Variants in CHODL observed in about 807,000 individuals in gnomAD.
CHODL encodes the protein chondrolectin.
Under a neutral mutation model 34.5 loss-of-function variants are expected in CHODL, and 29 were observed. The ratio of observed to expected loss-of-function variants is 0.84; its 90% confidence interval spans 0.63 to 1.15. The LOEUF is 1.15. CHODL is among the 50% of genes most tolerant of loss of function. The probability of loss-of-function intolerance (pLI) is 0.00; values close to 1 mark genes in which losing one functional copy is unlikely to be tolerated. For synonymous variants in CHODL, 125 were observed against 116.1 expected (o/e 1.08, Z -0.49); for missense variants, 332 against 332.5 (o/e 1.00, Z 0.01).
At chr21:18,175,237 A>G (rs956974458) in intron 2 of CHODL, among the ~76,000 whole-genome samples, 1 of 152,208 alleles carries the variant, frequency 6.6e-6, no homozygotes, top group Admixed American at 6.5e-5. Context: ...GGTATCTTAC[A>G]TACCCATCCA....
chr21:18,195,176 T>G (rs973251680), intron 2 of CHODL, among the ~76,000 whole-genome samples: 6 of 152,054 alleles, frequency 3.9e-5, no homozygotes, highest in Admixed American at 6.6e-5. Flanking sequence ...TGCCTCAGCC[T>G]CCTGAGTAGC....
intron 2 of CHODL, among the ~76,000 whole-genome samples, chr21:18,135,228 T>C (rs1446782385): frequency 6.6e-6 from 1 of 152,230 alleles, no homozygotes; most frequent in East Asian, 1.9e-4. Context: ...TTTCATTTAA[T>C]CAGTTTACAG....
chr21:18,037,754 G>A (rs2064328061), intron 2 of CHODL, among the ~76,000 whole-genome samples: 1 of 151,684 alleles, frequency 6.6e-6, no homozygotes, highest in African/African-American at 2.4e-5. Flanking sequence ...AATGTTTGAT[G>A]GTTTTAGGGT....
In CHODL at chr21:18,253,847, T is replaced by TTGTTTTTA. The variant is rs575253785; in HGVS notation, c.80-2662_80-2661insTGTTTTTA. On this transcript the variant is annotated intron_variant, in intron 1 of 5. Transcript: ENST00000299295. ...CTGTTAATTTGTTCAGATTTTTTAGTGTGTTGCTGCTGGGTCCAGATCACG... is the reference window on the plus strand; with the variant it reads ...CTGTTAATTTGTTCAGATTTTTTAGTTGTTTTTAGTGTTGCTGCTGGGTCCAGATCACG... Among the ~76,000 whole-genome samples, 4 of 152,318 alleles carry TTGTTTTTA rather than the reference T, an allele frequency of 2.6e-5. No homozygotes were observed. The South Asian group carries it at 8.3e-4, about 32-fold the overall frequency.
At chr21:17,985,244 C>T (rs1178751366) in intron 1 of CHODL, among the ~76,000 whole-genome samples, 5 of 152,072 alleles carry the variant, frequency 3.3e-5, no homozygotes, top group African/African-American at 9.7e-5. Context: ...GTTCTCGTCC[C>T]ATAAACTTAG....
At position 18,197,292 on chromosome 21, in the gene CHODL, T is replaced by A. The variant is rs551354861; in HGVS notation, c.-44-59217T>A. Reference sequence around the variant, plus strand: ...TAATGTATGAAACCATTATTCTCAATTTAACATAGTGCCAATTAGCTTAAA... The same window carrying A: ...TAATGTATGAAACCATTATTCTCAAATTAACATAGTGCCAATTAGCTTAAA... On this transcript the variant is annotated intron_variant, in intron 2 of 6. Coordinates refer to the CHODL transcript ENST00000400127. Among the ~76,000 whole-genome samples the A allele has an allele frequency of 5.9e-5, 9 of 152,292 alleles. No homozygotes were observed. The South Asian group carries it at 1.9e-3, about 32-fold the overall frequency.
intron 1 of CHODL, among the ~76,000 whole-genome samples, chr21:17,919,477 G>C (rs989898272): frequency 6.6e-6 from 1 of 152,176 alleles, no homozygotes; most frequent in Non-Finnish European, 1.5e-5. Context: ...GTTACTTTTA[G>C]TCATGGCTGG....
chr21:17,947,840 C>T (rs972843733), intron 1 of CHODL, among the ~76,000 whole-genome samples: 4 of 152,138 alleles, frequency 2.6e-5, no homozygotes, highest in South Asian at 2.1e-4. Context: ...ACATAAAAAC[C>T]GTGCCTCCAC....
chr21:18,098,540 G>A (rs905219746), intron 2 of CHODL, among the ~76,000 whole-genome samples: 1 of 152,092 alleles, frequency 6.6e-6, no homozygotes, highest in Middle Eastern at 3.4e-3. Flanking sequence ...ATCTTACTCG[G>A]CTAAAATAGC....
chr21:18,189,784 G>T lies in CHODL; in HGVS notation c.-44-66725G>T, dbSNP rs544029017. On this transcript the variant is annotated intron_variant, in intron 2 of 6. Transcript: ENST00000400127. ...TGAATAGCTGGGATTACAGGTGCAT[G>T]CCACCATGCCCGGCTAATTTTTGTA... Among the ~76,000 whole-genome samples, 537 of 152,000 alleles carry T rather than the reference G, an allele frequency of 3.5e-3. 6 individuals carry two copies. Among genetic ancestry groups the T allele is most frequent in the African/African-American group, 0.012 (508 of 41,474 alleles).
At chr21:18,262,723 C>A in intron 4 of CHODL, 68 bp from the exon 5 acceptor site, 3 of 875,312 alleles carry the variant, frequency 3.4e-6, no homozygotes, top group Non-Finnish European at 3.7e-6. Context: ...TTGAAACATT[C>A]TTACATATTT....
chr21:18,178,057 ATCAGTCTC>A (rs1249515663), intron 2 of CHODL, among the ~76,000 whole-genome samples: 1 of 152,176 alleles, frequency 6.6e-6, no homozygotes, highest in East Asian at 1.9e-4. Flanking sequence ...AGTATTAGGC[ATCAGTCTC>A]ATGGTTGCTA....
chr21:18,012,360 A>ATC (rs2064027283), intron 1 of CHODL, among the ~76,000 whole-genome samples: 1 of 152,176 alleles, frequency 6.6e-6, no homozygotes, highest in Non-Finnish European at 1.5e-5. Flanking sequence ...TCCTTAGATT[A>ATC]TTGCAAGAGC....
chr21:17,986,472 T>A (rs1283311347), intron 1 of CHODL, among the ~76,000 whole-genome samples: 2 of 152,304 alleles, frequency 1.3e-5, no homozygotes, highest in Non-Finnish European at 2.9e-5. Flanking sequence ...GCTTCATCCA[T>A]GTCCCTGCAG....
intron 2 of CHODL, among the ~76,000 whole-genome samples, chr21:18,183,422 CTTGTACATGAAGATG>C (rs2073405392): frequency 6.6e-6 from 1 of 152,156 alleles, no homozygotes; most frequent in Non-Finnish European, 1.5e-5. Context: ...GCCTCTGCAC[CTTGTACATGAAGATG>C]TACAAAGTAG....
intron 1 of CHODL, among the ~76,000 whole-genome samples, chr21:17,975,924 G>C (rs749248101): frequency 7.2e-5 from 11 of 152,042 alleles, no homozygotes; most frequent in Non-Finnish European, 1.3e-4. Flanking sequence ...AACTATGAAA[G>C]TCCAGTACAG....
chr21:18,170,907 T>C (rs2073219542), intron 2 of CHODL, among the ~76,000 whole-genome samples: 1 of 151,948 alleles, frequency 6.6e-6, no homozygotes, highest in Non-Finnish European at 1.5e-5. Context: ...TTAGCATCCT[T>C]TTATTTTAGC....
intron 2 of CHODL, among the ~76,000 whole-genome samples, chr21:18,083,382 A>C (rs2064965428): frequency 6.6e-6 from 1 of 152,188 alleles, no homozygotes; most frequent in Non-Finnish European, 1.5e-5. Flanking sequence ...GGCAGTCTGG[A>C]ATGAAAATGT....
intron 2 of CHODL, among the ~76,000 whole-genome samples, chr21:18,085,648 GT>G (rs1214285057): frequency 3.3e-5 from 5 of 152,132 alleles, no homozygotes; most frequent in African/African-American, 9.7e-5. Flanking sequence ...TTGGTGGACA[GT>G]TTTTACTTCC....
Sources: gnomAD v4.1 joint callset for allele counts (sites outside exome capture counted in the v4.1 genomes callset) on GRCh38, gnomAD v4.1.1 for gene constraint, MANE v1.5 for transcripts, NCBI Gene and HGNC (gene_info 2026-07-23, HGNC 2026-07-21) for gene names.